Variants in NOL4 observed in about 807,000 individuals in gnomAD.
NOL4 encodes cancer/testis antigen 125.
In NOL4, 17 loss-of-function variants were observed where a neutral mutation model predicts 75.9. The ratio of observed to expected loss-of-function variants is 0.22; its 90% confidence interval spans 0.15 to 0.34. The LOEUF is 0.34. NOL4 is among the 10% of genes least tolerant of loss of function. The pLI is 1.00. For synonymous variants in NOL4, 292 were observed against 289.9 expected, an observed-to-expected ratio of 1.01 and a Z score of -0.07; for missense variants, 614 against 793.5, an observed-to-expected ratio of 0.77 and a Z score of 2.72.
At chr18:33,990,095 T>C (rs2072803471) in intron 6 of NOL4, among the ~76,000 whole-genome samples, 1 of 152,092 alleles carries the variant, frequency 6.6e-6, no homozygotes, top group South Asian at 2.1e-4. Flanking sequence ...GTAAGCAAGA[T>C]AATTTTAGAC....
At chr18:34,199,355 G>A (rs1031092886) in intron 1 of NOL4, among the ~76,000 whole-genome samples, 1 of 151,660 alleles carries the variant, frequency 6.6e-6, no homozygotes, top group Non-Finnish European at 1.5e-5. Context: ...ATGAAATCTG[G>A]CTAAAATGAG....
intron 2 of NOL4, among the ~76,000 whole-genome samples, chr18:34,115,117 CAAGT>C (rs1269191482): frequency 2.0e-5 from 3 of 152,108 alleles, no homozygotes; most frequent in Non-Finnish European, 4.4e-5. Context: ...GATAAGGAAG[CAAGT>C]TCGAGCACAA....
chr18:34,001,246 TGA>T, intron 6 of NOL4, among the ~76,000 whole-genome samples: 2 of 152,256 alleles, frequency 1.3e-5, no homozygotes, highest in Middle Eastern at 6.8e-3. Context: ...CTAAATAGAC[TGA>T]GATTAGCATG....
At chr18:34,102,942 T>G (rs1003552894) in intron 4 of NOL4, among the ~76,000 whole-genome samples, 2 of 152,020 alleles carry the variant, frequency 1.3e-5, no homozygotes, top group Non-Finnish European at 2.9e-5. Flanking sequence ...ATATTGCCAC[T>G]GCACTAATAT....
At chr18:33,869,380 T>C (rs532438525) in intron 10 of NOL4, among the ~76,000 whole-genome samples, 31 of 152,154 alleles carry the variant, frequency 2.0e-4, no homozygotes, top group African/African-American at 7.2e-4. Context: ...AAGCTAATTT[T>C]AATATTTGTT....
chr18:34,062,889 G>T lies in NOL4; in HGVS notation c.772+30576C>A, dbSNP rs537547548. ...TAAATGAAAATCCCAAACCAAAAAC[G>T]TTGCTAATATACAGAACTGGTTGGA... On this transcript the variant is annotated intron_variant, in intron 5 of 10. Coordinates refer to ENST00000261592, the MANE Select transcript of NOL4 (RefSeq NM_003787.5). Among the ~76,000 whole-genome samples the T allele has an allele frequency of 3.3e-5, 5 of 152,100 alleles. No individual in the cohort carries two copies. In the East Asian group the frequency reaches 7.7e-4, roughly 24 times the overall value.
At chr18:33,889,653 A>G (rs183637942) in intron 9 of NOL4, among the ~76,000 whole-genome samples, 12 of 152,254 alleles carry the variant, frequency 7.9e-5, no homozygotes, top group Admixed American at 6.5e-4. Flanking sequence ...ATACTGGCAA[A>G]CCGAATCCAA....
chr18:34,023,731 G>C (rs775048486), intron 5 of NOL4: 1 of 254,382 alleles, frequency 3.9e-6, no homozygotes, highest in East Asian at 7.8e-5. Context: ...TTGGACGTCG[G>C]GAGTTAACTT....
intron 6 of NOL4, among the ~76,000 whole-genome samples, chr18:33,996,037 G>T (rs139684527): frequency 0.013 from 2,021 of 151,518 alleles, 44 homozygotes; most frequent in African/African-American, 0.046. Context: ...TCTTGAAATA[G>T]TATCTACTTC....
intron 9 of NOL4, among the ~76,000 whole-genome samples, chr18:33,936,939 A>C (rs2068096867): frequency 6.6e-6 from 1 of 152,018 alleles, no homozygotes; most frequent in Non-Finnish European, 1.5e-5. Context: ...TGTAACCAAT[A>C]ACTATAAGAT....
At chr18:34,162,990 C>T (rs2031754204) in intron 1 of NOL4, among the ~76,000 whole-genome samples, 1 of 152,174 alleles carries the variant, frequency 6.6e-6, no homozygotes, top group Non-Finnish European at 1.5e-5. Flanking sequence ...AGACTAAAAT[C>T]ACGTGATTAT....
chr18:34,126,983 A>T (rs1417512570), intron 2 of NOL4, among the ~76,000 whole-genome samples: 1 of 151,974 alleles, frequency 6.6e-6, no homozygotes, highest in Non-Finnish European at 1.5e-5. Flanking sequence ...ATATACACAG[A>T]TACAAATGCA....
At chr18:34,220,188 T>C (rs1467533739) in intron 1 of NOL4, among the ~76,000 whole-genome samples, 2 of 152,248 alleles carry the variant, frequency 1.3e-5, no homozygotes, top group Non-Finnish European at 2.9e-5. Flanking sequence ...GTGGTGTGTC[T>C]ACTCTGTTCT....
At chr18:33,882,719 G>T (rs928443146) in intron 10 of NOL4, among the ~76,000 whole-genome samples, 1 of 151,896 alleles carries the variant, frequency 6.6e-6, no homozygotes, top group Non-Finnish European at 1.5e-5. Context: ...TATACCCAAA[G>T]GACTATAAAT....
At chr18:33,946,758 T>C (rs2068860994) in intron 8 of NOL4, among the ~76,000 whole-genome samples, 1 of 151,734 alleles carries the variant, frequency 6.6e-6, no homozygotes, top group Non-Finnish European at 1.5e-5. Flanking sequence ...AAATTTATGA[T>C]CTTCATTAAA....
chr18:33,917,306 C>T (rs1358880328), intron 9 of NOL4, among the ~76,000 whole-genome samples: 3 of 151,946 alleles, frequency 2.0e-5, no homozygotes. Context: ...CCCAGTACTA[C>T]CCCCTCCTTT....
At position 33,851,972 on chromosome 18, in the gene NOL4, AG is replaced by A. The variant is rs1000783473; in HGVS notation, c.*869del. 3 of 152,482 alleles carry A rather than the reference AG, an allele frequency of 2.0e-5. No individual in the cohort carries two copies. The highest frequency in any genetic ancestry group is 7.2e-5 in the African/African-American group (3 of 41,420). 9.4% of individuals were successfully genotyped at this position (152,482 alleles called of 1,614,324 possible). ...ATGCCTGGAGACAGCAGCGGCAATC[AG>A]GAACGAGCAGCTCTAAGAAACCAAG... On this transcript the variant is annotated 3_prime_UTR_variant, in exon 11 of 11. Coordinates refer to ENST00000261592, the MANE Select transcript of NOL4 (RefSeq NM_003787.5).
intron 6 of NOL4, among the ~76,000 whole-genome samples, chr18:33,980,730 A>C (rs1396820460): frequency 1.3e-5 from 2 of 152,068 alleles, no homozygotes; most frequent in African/African-American, 4.8e-5. Context: ...TCTTACAAAT[A>C]TATTACTAAA....
At chr18:33,911,690 G>T (rs1197889807) in intron 9 of NOL4, among the ~76,000 whole-genome samples, 2 of 152,030 alleles carry the variant, frequency 1.3e-5, no homozygotes, top group Admixed American at 6.6e-5. Flanking sequence ...ATATTTAAGT[G>T]CCAGGACTAT....
Sources: allele counts gnomAD v4.1 joint callset (sites outside exome capture counted in the v4.1 genomes callset), GRCh38; gene constraint gnomAD v4.1.1; transcripts MANE v1.5; gene names NCBI Gene and HGNC (gene_info 2026-07-23, HGNC 2026-07-21).